LRRK2: variants seen among roughly 807,000 people sequenced by gnomAD.
LRRK2 encodes leucine rich repeat kinase 2, also known as leucine-rich repeat serine/threonine-protein kinase 2.
In LRRK2, 203 loss-of-function variants were observed where a neutral mutation model predicts 302.6. The observed-to-expected ratio is 0.67, with a 90% CI of 0.60 to 0.75. The LOEUF (loss-of-function observed/expected upper bound fraction) is 0.75. Ranked by LOEUF, LRRK2 falls within the 30% of genes least tolerant of loss-of-function variation. LRRK2 has a pLI of 0.00. For missense variants in LRRK2, 2,830 were observed against 2,951.0 expected, an observed-to-expected ratio of 0.96 and a Z score of 0.95; for synonymous variants, 1,066 against 1,031.9, an observed-to-expected ratio of 1.03 and a Z score of -0.63.
At chr12:40,279,202 A>G (rs1238317370) in intron 18 of LRRK2, among the ~76,000 whole-genome samples, 1 of 66,086 alleles carries the variant, frequency 1.5e-5, no homozygotes, top group Admixed American at 1.2e-4. Flanking sequence ...ATAAAGTACT[A>G]TGTTTGCCAA....
chr12:40,257,203 A>AT, intron 11 of LRRK2, 45 bp from the exon 12 acceptor site: 1 of 1,386,068 alleles, frequency 7.2e-7, no homozygotes. Flanking sequence ...TAAAATTATG[A>AT]AAATATGCTT....
At chr12:40,251,419 C>T (rs201712413) in intron 9 of LRRK2, 45 bp downstream of exon 9, 18 of 1,612,634 alleles carry the variant, frequency 1.1e-5, no homozygotes, top group African/African-American at 2.7e-5. Flanking sequence ...TTATGTTTTC[C>T]AGTCATTTAT....
intron 28 of LRRK2, among the ~76,000 whole-genome samples, chr12:40,307,997 G>C (rs1184003669): frequency 1.3e-5 from 2 of 151,822 alleles, no homozygotes; most frequent in Non-Finnish European, 2.9e-5. Flanking sequence ...GGCCAGGCTG[G>C]TCTCAAACTC....
chr12:40,289,968 T>G (rs1416625885), intron 20 of LRRK2, among the ~76,000 whole-genome samples: 1 of 151,956 alleles, frequency 6.6e-6, no homozygotes, highest in Non-Finnish European at 1.5e-5. Context: ...CAGTACTATG[T>G]TGAATAGAAT....
intron 16 of LRRK2, among the ~76,000 whole-genome samples, chr12:40,277,029 C>G (rs890275406): frequency 6.6e-6 from 1 of 152,004 alleles, no homozygotes. Context: ...TTTATAGGCA[C>G]AAGATTTTGC....
chr12:40,243,532 TG>T lies in LRRK2; in HGVS notation c.707-17del. On this transcript the variant is annotated splice_polypyrimidine_tract_variant and intron_variant, in intron 6 of 50. Transcript: ENST00000298910. ...AACATGGTTACCTTATTGATAATTA[TG>T]ATCTCTTTAAATTCAGGCAATAATG... 1.9e-6 allele frequency: 3 copies of T among 1,609,814 alleles called. No homozygotes were observed. Among genetic ancestry groups the T allele is most frequent in the Non-Finnish European group, 2.5e-6 (3 of 1,177,078 alleles).
intron 13 of LRRK2, among the ~76,000 whole-genome samples, chr12:40,263,581 A>T (rs1002882388): frequency 6.6e-6 from 1 of 152,192 alleles, no homozygotes; most frequent in Non-Finnish European, 1.5e-5. Context: ...ATTCTTACAC[A>T]TTATATTTAT....
chr12:40,295,588 G>C lies in LRRK2; in HGVS notation c.3040G>C (p.Glu1014Gln), dbSNP rs748547916. The part of the protein sequence containing the change: ...CCISVHLEHL[E>Q]KLELHQNALT... ...TATAAGTGTTCATTTGGAGCATCTT[G>C]AAAAGCTGGAGCTTCACCAGAATGC... Residue 1014 changes from glutamate (E) to glutamine (Q), a missense_variant, in exon 23 of 51, where the codon GAA (glutamate) becomes CAA (glutamine). Transcript: ENST00000298910. 1.9e-6 allele frequency: 3 copies of C among 1,614,000 alleles called. No homozygotes were observed. In the Admixed American group the frequency reaches 5.0e-5, roughly 27 times the overall value.
intron 39 of LRRK2, among the ~76,000 whole-genome samples, chr12:40,330,911 G>A (rs1207434303): frequency 6.6e-6 from 1 of 152,024 alleles, no homozygotes; most frequent in East Asian, 1.9e-4. Context: ...TAGCTTTCTG[G>A]TGAATTTTGT....
chr12:40,290,868 A>C (rs536351295), intron 20 of LRRK2, among the ~76,000 whole-genome samples: 7 of 151,776 alleles, frequency 4.6e-5, no homozygotes, highest in Admixed American at 2.6e-4. Flanking sequence ...CTTTTTATAG[A>C]TTCTTAATTT....
At chr12:40,341,464 A>G (rs1296945477) in intron 41 of LRRK2, among the ~76,000 whole-genome samples, 5 of 152,228 alleles carry the variant, frequency 3.3e-5, no homozygotes, top group African/African-American at 1.2e-4. Flanking sequence ...TGTTTTGGAT[A>G]GTTACATTTT....
rs760766023 is a variant in LRRK2, at chr12:40,326,373, G to A, written c.5657-1987G>A. On this transcript the variant is annotated intron_variant, in intron 38 of 50. Transcript: ENST00000298910. ...CCCAGCTACTCGGGAGGCTGAGTCA[G>A]GAAAATGGCATGAACCTGGGAGGCG... Among the ~76,000 whole-genome samples, 5 of 151,562 alleles carry A rather than the reference G, an allele frequency of 3.3e-5. No individual in the cohort carries two copies. The East Asian group carries it at 9.7e-4, about 29-fold the overall frequency.
chr12:40,280,865 G>C (rs1943662923), intron 18 of LRRK2, among the ~76,000 whole-genome samples: 1 of 151,466 alleles, frequency 6.6e-6, no homozygotes, highest in Non-Finnish European at 1.5e-5. Context: ...AGGAGATCGA[G>C]ACCATCCTGG....
chr12:40,269,050 T>A (rs760593049), intron 14 of LRRK2, among the ~76,000 whole-genome samples: 4 of 152,196 alleles, frequency 2.6e-5, no homozygotes, highest in Non-Finnish European at 4.4e-5. Context: ...GTTTCAACTA[T>A]AATTGTTATT....
At chr12:40,257,500 G>T (rs1942572473) in intron 12 of LRRK2, 123 bp downstream of exon 12, 7 of 1,183,656 alleles carry the variant, frequency 5.9e-6, no homozygotes, top group Non-Finnish European at 7.3e-6. Flanking sequence ...GAAAACTGAA[G>T]CATTTTGCAA....
chr12:40,282,287 A>G (rs913236910), intron 18 of LRRK2, among the ~76,000 whole-genome samples: 2 of 151,568 alleles, frequency 1.3e-5, no homozygotes, highest in East Asian at 3.9e-4. Context: ...CTTAAATTAA[A>G]TATATTTGCT....
intron 25 of LRRK2, 82 bp from the exon 26 acceptor site, chr12:40,302,707 A>G: frequency 1.0e-6 from 1 of 958,980 alleles, no homozygotes; most frequent in South Asian, 1.3e-5. Flanking sequence ...GTGACACACT[A>G]TTGGTAGCTG....
intron 11 of LRRK2, among the ~76,000 whole-genome samples, chr12:40,256,918 T>C (rs1203824650): frequency 6.6e-6 from 1 of 152,234 alleles, no homozygotes; most frequent in African/African-American, 2.4e-5. Flanking sequence ...TTGGAGACCA[T>C]TATTTAAACA....
chr12:40,340,401 G>C lies in LRRK2; in HGVS notation c.6056G>C (p.Gly2019Ala), dbSNP rs1946004508. The C allele has an allele frequency of 3.1e-6, 5 of 1,613,862 alleles. No homozygotes were observed. The highest frequency in any genetic ancestry group is 4.2e-6 in the Non-Finnish European group (5 of 1,179,850). ...ATCATTGCAAAGATTGCTGACTACG[G>C]CATTGCTCAGTACTGCTGTAGAATG... ...AAIIAKIADY[G>A]IAQYCCRMGI... The change falls in exon 41 of 51, where the codon GGC becomes GCC. Residue 2019 changes from glycine (G) to alanine (A), a missense_variant. Gly to Ala is a moderately conservative substitution (Grantham distance 60). Around this residue, in one of 3 missense-constraint regions of LRRK2, gnomAD observed 253 missense variants for 346.7 expected, o/e 0.73. Transcript: ENST00000298910.
Sources: allele counts gnomAD v4.1 joint callset (sites outside exome capture counted in the v4.1 genomes callset), GRCh38; gene constraint gnomAD v4.1.1; regional missense constraint gnomAD v4.1.1; transcripts MANE v1.5; gene names NCBI Gene and HGNC (gene_info 2026-07-23, HGNC 2026-07-21).